Variants in SAMM50 observed in about 807,000 individuals in gnomAD.
SAMM50 encodes the protein SAMM50 sorting and assembly machinery component.
SAMM50 carries 47 observed loss-of-function variants against 66.9 expected under a neutral mutation model. The ratio of observed to expected loss-of-function variants is 0.70; its 90% CI spans 0.56 to 0.90. The LOEUF is 0.90. SAMM50 is among the 40% of genes least tolerant of loss of function. SAMM50 has a pLI of 0.00. For synonymous variants in SAMM50, 191 were observed against 214.1 expected (o/e 0.89, Z 0.94); for missense variants, 535 against 595.3 (o/e 0.90, Z 1.05).
intron 5 of SAMM50, 119 bp from the exon 6 acceptor site, chr22:43,972,752 T>C: frequency 2.2e-6 from 2 of 914,078 alleles, no homozygotes; most frequent in Non-Finnish European, 3.4e-6. Flanking sequence ...ACTAGATCTG[T>C]AGTTAGCATC....
At chr22:43,966,038 G>A (rs2050171696) in intron 3 of SAMM50, among the ~76,000 whole-genome samples, 1 of 152,124 alleles carries the variant, frequency 6.6e-6, no homozygotes, top group South Asian at 2.1e-4. Context: ...ACGGGGTTTT[G>A]CCATGTTGTC....
intron 3 of SAMM50, among the ~76,000 whole-genome samples, chr22:43,968,226 C>CAAAAAAAAAAAAAA (rs66961907): frequency 3.2e-3 from 220 of 68,466 alleles, no homozygotes; most frequent in Non-Finnish European, 3.6e-3. Context: ...AACTCTGTCT[C>CAAAAAAAAAAAAAA]AAAAAAAAAA....
intron 1 of SAMM50, among the ~76,000 whole-genome samples, chr22:43,962,288 G>A (rs981522494): frequency 2.0e-5 from 3 of 152,170 alleles, no homozygotes; most frequent in Non-Finnish European, 4.4e-5. Context: ...GTGGGTGCTC[G>A]GAGTGCAGTT....
intron 11 of SAMM50, among the ~76,000 whole-genome samples, chr22:43,982,664 C>T (rs1025364858): frequency 6.6e-6 from 1 of 152,178 alleles, no homozygotes. Context: ...GAGACAGAGT[C>T]TTACTCTGTC....
chr22:43,955,653 G>T, intron 1 of SAMM50, 55 bp downstream of exon 1: 1 of 1,524,544 alleles, frequency 6.6e-7, no homozygotes, highest in Non-Finnish European at 8.9e-7. Flanking sequence ...CAGGGCAGAC[G>T]GGCGCCGCGG....
At chr22:43,957,995 CGCCTGCCTCG>C (rs2050128717) in intron 1 of SAMM50, among the ~76,000 whole-genome samples, 1 of 151,348 alleles carries the variant, frequency 6.6e-6, no homozygotes, top group Admixed American at 6.6e-5. Context: ...CCTTGTGATC[CGCCTGCCTCG>C]GCCTTCCAAA....
chr22:43,971,859 C>T (rs149160159), intron 4 of SAMM50, among the ~76,000 whole-genome samples: 147 of 152,132 alleles, frequency 9.7e-4, no homozygotes, highest in African/African-American at 3.3e-3. Flanking sequence ...TATAGGTGCT[C>T]GCCACCACAT....
Position 43,972,269 on chromosome 22 carries a change from C to A in SAMM50, c.356C>A (p.Thr119Asn), listed in dbSNP as rs1569028578. ...DDALPNGLDV[T>N]FEVTELRRLT... ...GCACTTCCAAATGGGTTAGACGTTA[C>A]CTTTGAAGTAACTGAATTGAGGAGA... The change falls in exon 5 of 15, where the codon ACC becomes AAC. Residue 119 changes from threonine (T) to asparagine (N), a missense_variant. By Grantham distance (65) the Thr-to-Asn change is moderately conservative. Transcript: ENST00000350028. 1.2e-6 allele frequency: 2 copies of A among 1,604,132 alleles called. No homozygotes were observed. The highest frequency in any genetic ancestry group is 2.7e-5 in the African/African-American group (2 of 74,486).
chr22:43,996,234 A>T, intron 14 of SAMM50, 104 bp from the exon 15 acceptor site: 3 of 1,221,904 alleles, frequency 2.5e-6, no homozygotes, highest in Non-Finnish European at 1.2e-6. Context: ...CAGGAGGAGG[A>T]GGAAGCGGAG....
chr22:43,986,104 G>A (rs978072130), intron 12 of SAMM50, among the ~76,000 whole-genome samples: 1 of 140,496 alleles, frequency 7.1e-6, no homozygotes, highest in East Asian at 2.1e-4. Flanking sequence ...GTGCATTGGC[G>A]CAATCTCAGC....
intron 14 of SAMM50, among the ~76,000 whole-genome samples, chr22:43,992,551 GGGGGCCCAGCTACCCGGGCTT>G (rs1224706616): frequency 7.2e-5 from 11 of 152,232 alleles, no homozygotes; most frequent in African/African-American, 1.9e-4. Flanking sequence ...ATGTGTGCCT[GGGGGCCCAGCTACCCGGGCTT>G]GGGGCCCAGC....
chr22:43,986,441 G>T (rs1224951230), intron 12 of SAMM50: 1 of 152,042 alleles, frequency 6.6e-6, no homozygotes, highest in East Asian at 1.9e-4. Context: ...TCCTAGAACC[G>T]TCTCTGACAT....
At chr22:43,974,882 T>A (rs900695115) in intron 7 of SAMM50, 5 of 152,134 alleles carry the variant, frequency 3.3e-5, no homozygotes, top group South Asian at 4.2e-4. Flanking sequence ...AATACCTTAT[T>A]TTTTCACAAG....
At chr22:43,967,353 G>A (rs1240821578) in intron 3 of SAMM50, among the ~76,000 whole-genome samples, 1 of 152,192 alleles carries the variant, frequency 6.6e-6, no homozygotes, top group Non-Finnish European at 1.5e-5. Flanking sequence ...CCATCTGTCT[G>A]CTCTGCCTGT....
rs191764021 is a variant in SAMM50, at chr22:43,974,382, C to T, written c.648+1059C>T. On this transcript the variant is annotated intron_variant, in intron 7 of 14. Transcript: ENST00000350028. ...ATCTGTGAAATGAAGGACAGGAGCGCGGGGTCTCCCAGGGCCGTTGTGAGG... is the reference window on the plus strand; with the variant it reads ...ATCTGTGAAATGAAGGACAGGAGCGTGGGGTCTCCCAGGGCCGTTGTGAGG... Among the ~76,000 whole-genome samples, 10 of 152,314 alleles carry T rather than the reference C, an allele frequency of 6.6e-5. No individual in the cohort carries two copies. In the East Asian group the frequency reaches 1.4e-3, roughly 21 times the overall value.
rs1421476657 is a variant in SAMM50 at position 43,964,538 on chromosome 22, C to T, written c.219C>T (p.Ala73=). 1.3e-6 allele frequency: 2 copies of T among 1,591,162 alleles called. No homozygotes were observed. Among genetic ancestry groups the T allele is most frequent in the Middle Eastern group, 1.7e-4 (1 of 6,008 alleles). ...IICEIGDVFK[A]KNLIEVMRKS... is the part of the protein sequence containing the mutation. Reference sequence around the variant, plus strand: ...GTGAAATTGGAGATGTTTTCAAGGCCAAAAACCTAATTGAGGTAGGTGTGG... The same window carrying T: ...GTGAAATTGGAGATGTTTTCAAGGCTAAAAACCTAATTGAGGTAGGTGTGG... The change falls in exon 3 of 15, where the codon GCC becomes GCT. Residue 73 remains alanine (A), a synonymous_variant. Coordinates refer to ENST00000350028, the MANE Select transcript of SAMM50 (RefSeq NM_015380.5).
At chr22:43,966,301 C>T (rs1026570577) in intron 3 of SAMM50, among the ~76,000 whole-genome samples, 1 of 151,806 alleles carries the variant, frequency 6.6e-6, no homozygotes. Flanking sequence ...AGTGTGCGCA[C>T]TCTGCAGTGT....
intron 3 of SAMM50, 95 bp downstream of exon 3, chr22:43,964,648 C>T: frequency 1.5e-6 from 1 of 674,374 alleles, no homozygotes; most frequent in Non-Finnish European, 2.6e-6. Flanking sequence ...TGCGCCCGGC[C>T]TCTGTGCCGG....
intron 14 of SAMM50, among the ~76,000 whole-genome samples, chr22:43,993,055 G>A (rs1262354754): frequency 6.6e-6 from 1 of 152,264 alleles, no homozygotes; most frequent in Non-Finnish European, 1.5e-5. Context: ...TCTGCAGTTG[G>A]GAGTGTTGGG....
Sources: gnomAD v4.1 joint callset for allele counts (sites outside exome capture counted in the v4.1 genomes callset) on GRCh38, gnomAD v4.1.1 for gene constraint, MANE v1.5 for transcripts, NCBI Gene and HGNC (gene_info 2026-07-23, HGNC 2026-07-21) for gene names.